Variants in PUS7 observed in about 807,000 individuals in gnomAD.
PUS7 encodes pseudouridylate synthase 7 homolog.
Under a neutral mutation model 79.8 loss-of-function variants are expected in PUS7, and 48 were observed. That is an observed-to-expected ratio of 0.60 (90% CI 0.48 to 0.76). The LOEUF (loss-of-function observed/expected upper bound fraction) is 0.76, where lower values mean the gene tolerates loss of function less well. Among genes scored for constraint, PUS7 ranks in the 30% least tolerant of loss-of-function variants. PUS7 has a pLI of 0.00. For synonymous variants in PUS7, 286 were observed against 272.2 expected, an observed-to-expected ratio of 1.05 and a Z score of -0.50; for missense variants, 729 against 797.6, an observed-to-expected ratio of 0.91 and a Z score of 1.04.
At chr7:105,493,021 G>T (rs1395010439) in intron 6 of PUS7, among the ~76,000 whole-genome samples, 1 of 152,162 alleles carries the variant, frequency 6.6e-6, no homozygotes, top group Non-Finnish European at 1.5e-5. Flanking sequence ...TGGCTAGCCA[G>T]CAACAAAAAA....
rs1351518719 is a variant in PUS7 at position 105,470,805 on chromosome 7, C to G, written c.1281G>C (p.Lys427Asn). The G allele has an allele frequency of 6.2e-7, 1 of 1,610,110 alleles. No homozygotes were observed. The highest frequency in any genetic ancestry group is 1.1e-5 in the South Asian group (1 of 90,888). Residue 427 changes from lysine (K) to asparagine (N), a missense_variant, in exon 11 of 16, where the codon AAG (lysine) becomes AAC (asparagine). By Grantham distance (94) the Lys-to-Asn change is moderately conservative (BLOSUM62 0). Transcript: ENST00000469408. Reference protein sequence around the residue: ...YLVKCREEWAKTKDPTAALRK... With the variant: ...YLVKCREEWANTKDPTAALRK... Reference sequence around the variant, plus strand: ...TGAGGGCAGCAGTTGGGTCTTTGGTCTTTGCCCATTCTTCTCTGCATTTAA... The same window carrying G: ...TGAGGGCAGCAGTTGGGTCTTTGGTGTTTGCCCATTCTTCTCTGCATTTAA...
At position 105,508,463 on chromosome 7, in the gene PUS7, A is replaced by G. The variant is rs1287031850; in HGVS notation, c.50T>C (p.Val17Ala). The change falls in exon 2 of 16, where the codon GTT (valine) becomes GCT (alanine). Residue 17 changes from valine to alanine, a missense_variant. Transcript: ENST00000469408. ...TGVSLKRGAL[V>A]VEDNDSGVPV... ...GACTCCACTGTCATTATCTTCGACA[A>G]CCAGTGCCCCACGTTTCAGCGACAC... 1.2e-6 allele frequency: 2 copies of G among 1,614,012 alleles called. No homozygotes were observed. Among genetic ancestry groups the G allele is most frequent in the Admixed American group, 1.7e-5 (1 of 59,974 alleles).
Position 105,502,414 on chromosome 7 carries a change from A to G in PUS7, c.730+6T>C. 2 of 1,614,000 alleles carry G rather than the reference A, an allele frequency of 1.2e-6. No individual in the cohort carries two copies. Among genetic ancestry groups the G allele is most frequent in the African/African-American group, 1.3e-5 (1 of 75,028 alleles). ...TGGCAGGAGGAAGCTGCTCACAGAC[A>G]CCTACTTGCCAAAGCCTTTTTCCCA... On this transcript the variant is annotated splice_donor_region_variant and intron_variant, in intron 5 of 15. Transcript: ENST00000469408.
intron 5 of PUS7, among the ~76,000 whole-genome samples, chr7:105,496,174 T>C (rs1397781290): frequency 8.6e-6 from 1 of 115,790 alleles, no homozygotes; most frequent in Non-Finnish European, 1.8e-5. Context: ...AAAAAAAAAG[T>C]ATGCATATCT....
intron 9 of PUS7, 45 bp downstream of exon 9, chr7:105,481,007 T>C: frequency 6.3e-7 from 1 of 1,579,266 alleles, no homozygotes; most frequent in Non-Finnish European, 8.6e-7. Flanking sequence ...AACCCTGCTT[T>C]GTTTATGAGA....
intron 5 of PUS7, chr7:105,496,903 C>A: frequency 8.7e-7 from 1 of 1,149,468 alleles, no homozygotes; most frequent in South Asian, 1.7e-5. Context: ...GCACTTGTGA[C>A]AAAATCTTTG....
At chr7:105,488,075 A>C (rs901681510) in intron 7 of PUS7, among the ~76,000 whole-genome samples, 1 of 152,216 alleles carries the variant, frequency 6.6e-6, no homozygotes, top group Non-Finnish European at 1.5e-5. Flanking sequence ...CAGAGGGCCA[A>C]CATTTAGGTG....
At chr7:105,459,925 T>A (rs1381686212) in intron 14 of PUS7, among the ~76,000 whole-genome samples, 3 of 152,034 alleles carry the variant, frequency 2.0e-5, no homozygotes, top group African/African-American at 4.8e-5. Context: ...ATTAAAATTT[T>A]AAAAATGTAC....
intron 1 of PUS7, among the ~76,000 whole-genome samples, 199 bp downstream of exon 1, chr7:105,521,853 C>A (rs1826131312): frequency 6.7e-6 from 1 of 149,218 alleles, no homozygotes. Flanking sequence ...CGCCGAAGCG[C>A]AGGACCCACT....
chr7:105,504,294 C>T (rs1041460956), intron 4 of PUS7, among the ~76,000 whole-genome samples: 2 of 151,976 alleles, frequency 1.3e-5, no homozygotes, highest in African/African-American at 4.8e-5. Flanking sequence ...TGGTCTCGAA[C>T]TCCTGACCTT....
At chr7:105,495,077 C>A in intron 6 of PUS7, 65 bp downstream of exon 6, 2 of 868,450 alleles carry the variant, frequency 2.3e-6, no homozygotes, top group South Asian at 1.7e-5. Context: ...TTTCCATTAG[C>A]ATGGAAAAAG....
At chr7:105,472,920 C>CTTTT (rs758552553) in intron 9 of PUS7, among the ~76,000 whole-genome samples, 5 of 116,372 alleles carry the variant, frequency 4.3e-5, no homozygotes, top group South Asian at 3.0e-4. Flanking sequence ...TGCCCAGCTA[C>CTTTT]TTTTTTTTTT....
chr7:105,514,796 A>ATTTTTTTT (rs1461495782), intron 1 of PUS7, among the ~76,000 whole-genome samples: 1 of 145,656 alleles, frequency 6.9e-6, no homozygotes. Flanking sequence ...ATTCTCTCTC[A>ATTTTTTTT]TTTTTTTTTT....
At chr7:105,511,347 A>AC (rs1825694671) in intron 1 of PUS7, among the ~76,000 whole-genome samples, 1 of 151,132 alleles carries the variant, frequency 6.6e-6, no homozygotes, top group African/African-American at 2.4e-5. Flanking sequence ...TCCCGTTTAA[A>AC]CATCTGTATT....
intron 14 of PUS7, 82 bp downstream of exon 14, chr7:105,462,539 T>C: frequency 6.7e-7 from 1 of 1,492,372 alleles, no homozygotes; most frequent in Non-Finnish European, 9.2e-7. Context: ...TCTTGTGCAG[T>C]ACATGACTCT....
intron 9 of PUS7, among the ~76,000 whole-genome samples, chr7:105,478,569 G>A (rs1824197100): frequency 1.3e-5 from 2 of 152,152 alleles, no homozygotes; most frequent in African/African-American, 4.8e-5. Context: ...TTAGTGATAA[G>A]CATCTTTTTG....
At chr7:105,494,997 G>T in intron 6 of PUS7, 145 bp downstream of exon 6, 10 of 354,402 alleles carry the variant, frequency 2.8e-5, no homozygotes, top group East Asian at 5.3e-5. Flanking sequence ...AAAAAAGAAA[G>T]AAAGAAAGAA....
Position 105,465,347 on chromosome 7 carries a change from C to G in PUS7, c.1593G>C (p.Leu531Phe), listed in dbSNP as rs754914448. 2.5e-6 allele frequency: 4 copies of G among 1,613,500 alleles called. No individual in the cohort carries two copies. The highest frequency in any genetic ancestry group is 3.4e-6 in the Non-Finnish European group (4 of 1,179,554). Residue 531 changes from leucine to phenylalanine, a missense_variant, in exon 13 of 16, where the codon TTG becomes TTC. Transcript: ENST00000469408. ...TTGGGTAGATAACATCGAAACCAGG[C>G]AAGGGCATTACCACATCATGGATAG... ...NYSIHDVVMP[L>F]PGFDVIYPKH... is the part of the protein sequence containing the mutation.
chr7:105,483,140 G>A (rs1198373953), intron 7 of PUS7, among the ~76,000 whole-genome samples: 1 of 151,488 alleles, frequency 6.6e-6, no homozygotes, highest in Non-Finnish European at 1.5e-5. Flanking sequence ...TTTATCTCTA[G>A]TGTCACCACT....
Sources: gnomAD v4.1 joint callset for allele counts (sites outside exome capture counted in the v4.1 genomes callset) on GRCh38, gnomAD v4.1.1 for gene constraint, MANE v1.5 for transcripts, NCBI Gene and HGNC (gene_info 2026-07-23, HGNC 2026-07-21) for gene names.